The following LRP11 variants were observed in gnomAD, a reference collection of about 807,000 sequenced individuals.
LRP11 encodes the protein LDL receptor related protein 11.
A neutral mutation model predicts 43.1 loss-of-function variants in LRP11; 25 were observed. That is an observed-to-expected ratio of 0.58 (90% CI 0.42 to 0.81). The LOEUF is 0.81. Among genes scored for constraint, LRP11 ranks in the 30% least tolerant of loss-of-function variants. The pLI, the probability that LRP11 is intolerant of heterozygous loss-of-function variation, is 0.00. For missense variants in LRP11, 623 were observed against 665.1 expected (o/e 0.94, Z 0.70); for synonymous variants, 316 against 299.4 (o/e 1.06, Z -0.57).
chr6:149,857,436 T>G (rs1172521581), intron 1 of LRP11, among the ~76,000 whole-genome samples: 1 of 150,940 alleles, frequency 6.6e-6, no homozygotes, highest in African/African-American at 2.4e-5. Context: ...GCTGAGGAAT[T>G]CAAAGCTACG....
At chr6:149,820,928 CTTTTTT>C (rs11399122) in intron 6 of LRP11, among the ~76,000 whole-genome samples, 3 of 116,494 alleles carry the variant, frequency 2.6e-5, no homozygotes, top group African/African-American at 7.4e-5. Context: ...CAAACCTAGA[CTTTTTT>C]TTTTTTTTTT....
Position 149,843,545 on chromosome 6 carries a change from G to A in LRP11, c.772-421C>T, listed in dbSNP as rs538058815. 1.2e-4 allele frequency among the ~76,000 whole-genome samples: 19 copies of A among 152,246 alleles called. No homozygotes were observed. In the East Asian group the frequency reaches 3.1e-3, roughly 25 times the overall value. On this transcript the variant is annotated intron_variant, in intron 2 of 6. Coordinates refer to ENST00000239367, the MANE Select transcript of LRP11 (RefSeq NM_032832.6). ...TCACTTCCTTCTGACAGCCAGCAGG[G>A]AGAAGCTGTCCCTCCTGTGTTCCAG... is the stretch of plus-strand genomic sequence containing the variant.
chr6:149,830,202 G>T (rs1487821790), intron 5 of LRP11, among the ~76,000 whole-genome samples: 4 of 151,782 alleles, frequency 2.6e-5, no homozygotes, highest in Non-Finnish European at 5.9e-5. Context: ...GTAGAGATGG[G>T]GTTTCTCCGT....
rs1233988685 is a variant in LRP11, at chr6:149,864,160, C to G, written c.-140G>C. 1.7e-6 allele frequency: 2 copies of G among 1,148,222 alleles called. No homozygotes were observed. The highest frequency in any genetic ancestry group is 2.1e-6 in the Non-Finnish European group (2 of 935,354). The allele number at this position is 1,148,222 out of a possible 1,614,324, so 71.1% of individuals were successfully genotyped here. A position where few individuals can be genotyped will look rare whatever the true frequency, so the allele number is the denominator to read the frequency against. On this transcript the variant is annotated 5_prime_UTR_variant, in exon 1 of 7. Coordinates refer to ENST00000239367, the MANE Select transcript of LRP11 (RefSeq NM_032832.6). ...CCCCGGCCTCACAGCGCGGCGCCCC[C>G]GAACCCGGCTGCTCCCCCGAGGTCG...
rs552931461 is a variant in LRP11 at position 149,841,684 on chromosome 6, G to A, written c.913+1299C>T. 1.8e-4 allele frequency among the ~76,000 whole-genome samples: 27 copies of A among 152,242 alleles called. No homozygotes were observed. The South Asian group carries it at 4.8e-3, about 27-fold the overall frequency. On this transcript the variant is annotated intron_variant, in intron 3 of 6. Transcript: ENST00000239367. ...TCTAAGTGCTTCGGGAGGCTGAGGC[G>A]GGTGGATCACCTGAGGTCAGGAATT...
chr6:149,819,963 T>C lies in LRP11; in HGVS notation c.*586A>G, dbSNP rs1776256313. 6.6e-6 allele frequency: 1 copy of C among 152,274 alleles called. No homozygotes were observed. Among genetic ancestry groups the C allele is most frequent in the Non-Finnish European group, 1.5e-5 (1 of 68,194 alleles). 9.4% of individuals were successfully genotyped at this position (152,274 alleles called of 1,614,324 possible). On this transcript the variant is annotated 3_prime_UTR_variant, in exon 7 of 7. Coordinates refer to ENST00000239367, the MANE Select transcript of LRP11 (RefSeq NM_032832.6). ...CCTATATGACATGACGTCAGAGGGA[T>C]TAGGAAGGACCCACACTCACCTTCC...
intron 2 of LRP11, among the ~76,000 whole-genome samples, chr6:149,847,494 C>CA (rs1776654577): frequency 6.6e-6 from 1 of 152,148 alleles, no homozygotes; most frequent in Non-Finnish European, 1.5e-5. Flanking sequence ...GCCCAGGTGA[C>CA]CCTTCTATAC....
intron 3 of LRP11, among the ~76,000 whole-genome samples, chr6:149,840,892 T>C (rs1583084159): frequency 6.6e-6 from 1 of 152,174 alleles, no homozygotes; most frequent in Non-Finnish European, 1.5e-5. Context: ...ATGTTTTGAG[T>C]AGCTGGCTGG....
chr6:149,837,401 T>G lies in LRP11; in HGVS notation c.976A>C (p.Thr326Pro). 6.2e-7 allele frequency: 1 copy of G among 1,614,122 alleles called. No homozygotes were observed. Among genetic ancestry groups the G allele is most frequent in the South Asian group, 1.1e-5 (1 of 91,086 alleles). ...TGCTGCACTCCATCGCAGGCGAGCG[T>G]GATGTCAATGCAGCAGCCATCGTCA... ...FCDDGCCIDI[T>P]LACDGVQQCP... Residue 326 changes from threonine to proline, a missense_variant, in exon 4 of 7, where the codon ACG (threonine) becomes CCG (proline). Physicochemically the swap from Thr to Pro is conservative, Grantham distance 38. Coordinates refer to ENST00000239367, the MANE Select transcript of LRP11 (RefSeq NM_032832.6).
chr6:149,842,257 T>A (rs1776559427), intron 3 of LRP11, among the ~76,000 whole-genome samples: 1 of 152,198 alleles, frequency 6.6e-6, no homozygotes, highest in Admixed American at 6.5e-5. Context: ...CTTGTTTTTT[T>A]AATATGTATT....
intron 3 of LRP11, among the ~76,000 whole-genome samples, chr6:149,841,774 T>C (rs1182915348): frequency 1.3e-5 from 2 of 151,944 alleles, no homozygotes; most frequent in Non-Finnish European, 2.9e-5. Context: ...TAGCAGGGCG[T>C]GGTGGTGCAC....
In LRP11 at chr6:149,863,736, G is replaced by A. The variant is rs772264782; in HGVS notation, c.285C>T (p.Gly95=). 6.8e-7 allele frequency: 1 copy of A among 1,478,856 alleles called. No homozygotes were observed. Among genetic ancestry groups the A allele is most frequent in the Non-Finnish European group, 8.9e-7 (1 of 1,121,442 alleles). 91.6% of individuals were successfully genotyped at this position (1,478,856 alleles called of 1,614,324 possible). A position where few individuals can be genotyped will look rare whatever the true frequency, so the allele number is the denominator to read the frequency against. ...PQEDCPGPGS[G]GYSAMPDAII... is the part of the protein sequence containing the mutation. ...TGGCGTCAGGCATTGCGCTGTAGCCGCCGCTGCCCGGGCCCGGGCAGTCCT... is the reference window on the plus strand; with the variant it reads ...TGGCGTCAGGCATTGCGCTGTAGCCACCGCTGCCCGGGCCCGGGCAGTCCT... Residue 95 remains glycine, a synonymous_variant, in exon 1 of 7, where the codon GGC becomes GGT. Transcript: ENST00000239367.
In LRP11 at chr6:149,863,751, CG is replaced by C; in HGVS notation, c.269del (p.Pro90ArgfsTer140). The C allele has an allele frequency of 6.8e-7, 1 of 1,478,804 alleles. No homozygotes were observed. Among genetic ancestry groups the C allele is most frequent in the Non-Finnish European group, 8.9e-7 (1 of 1,121,570 alleles). The allele number at this position is 1,478,804 out of a possible 1,614,324, so 91.6% of individuals were successfully genotyped here. On this transcript the variant is annotated frameshift_variant, in exon 1 of 7. Transcript: ENST00000239367. LOFTEE classifies it high-confidence loss of function. ...CGCTGTAGCCGCCGCTGCCCGGGCC[CG>C]GGCAGTCCTCCTGGGGGCCGCCGCC... ...RAGGGPQEDC[P>X]GPGSGGYSAM...
chr6:149,821,503 C>G (rs752860190), intron 6 of LRP11, among the ~76,000 whole-genome samples: 1 of 152,176 alleles, frequency 6.6e-6, no homozygotes, highest in African/African-American at 2.4e-5. Flanking sequence ...GTCAGTAGAA[C>G]CTTTGTTGAA....
rs1447260915 is a variant in LRP11 at position 149,827,443 on chromosome 6, C to T, written c.1253-1084G>A. On this transcript the variant is annotated intron_variant, in intron 5 of 6. Coordinates refer to ENST00000239367, the MANE Select transcript of LRP11 (RefSeq NM_032832.6). This position sits in a 1 kb window ranked among gnomAD's most constrained non-coding sequence, Gnocchi z 4.2. ...AAATTCTTTGGTAACTTGCATTTTG[C>T]AAATTTACTAAGTCACAAAGTTGGC... is the stretch of plus-strand genomic sequence containing the variant. Among the ~76,000 whole-genome samples the T allele has an allele frequency of 1.3e-5, 2 of 152,170 alleles. No individual in the cohort carries two copies. The highest frequency in any genetic ancestry group is 2.4e-5 in the African/African-American group (1 of 41,430).
chr6:149,840,524 G>C, intron 3 of LRP11, among the ~76,000 whole-genome samples: 1 of 152,196 alleles, frequency 6.6e-6, no homozygotes, highest in East Asian at 1.9e-4. Context: ...AAAGCTGCCT[G>C]AGGAAATAAA....
At chr6:149,824,686 C>G (rs1261871969) in intron 6 of LRP11, among the ~76,000 whole-genome samples, 1 of 151,924 alleles carries the variant, frequency 6.6e-6, no homozygotes, top group Non-Finnish European at 1.5e-5. Flanking sequence ...ATGGCAAAAC[C>G]CCATCTCTGC....
rs552722267 is a variant in LRP11 at position 149,840,766 on chromosome 6, G to A, written c.913+2217C>T. Among the ~76,000 whole-genome samples, 74 of 152,184 alleles carry A rather than the reference G, an allele frequency of 4.9e-4. No individual in the cohort carries two copies. In the South Asian group the frequency reaches 0.013, roughly 26 times the overall value. ...CCAGGGGGAAAGCCCTCTAGAGGGC[G>A]CCCAGATCTACAGAAGTGAGCCATC... is the stretch of plus-strand genomic sequence containing the variant. On this transcript the variant is annotated intron_variant, in intron 3 of 6. Coordinates refer to ENST00000239367, the MANE Select transcript of LRP11 (RefSeq NM_032832.6).
intron 6 of LRP11, among the ~76,000 whole-genome samples, chr6:149,823,705 A>T (rs531961471): frequency 7.9e-5 from 12 of 152,340 alleles, no homozygotes; most frequent in African/African-American, 2.9e-4. Context: ...AAGATTCTCA[A>T]GAACAGTTTG....
Sources: allele counts gnomAD v4.1 joint callset (sites outside exome capture counted in the v4.1 genomes callset), GRCh38; gene constraint gnomAD v4.1.1; non-coding constraint Gnocchi (gnomAD v3.1); transcripts MANE v1.5; gene names NCBI Gene and HGNC (gene_info 2026-07-23, HGNC 2026-07-21).